PPP1R12A: variants seen among roughly 807,000 people sequenced by gnomAD.
The protein encoded by PPP1R12A is myosin binding subunit.
A neutral mutation model predicts 139.6 loss-of-function variants in PPP1R12A; 19 were observed. The ratio of observed to expected loss-of-function variants is 0.14; its 90% confidence interval spans 0.09 to 0.20. The LOEUF is 0.20. Ranked by LOEUF, PPP1R12A falls within the 10% of genes least tolerant of loss-of-function variation. PPP1R12A has a pLI of 1.00. For synonymous variants in PPP1R12A, 427 were observed against 420.6 expected (o/e 1.02, Z -0.19); for missense variants, 925 against 1,211.5 (o/e 0.76, Z 3.51).
intron 1 of PPP1R12A, among the ~76,000 whole-genome samples, chr12:79,929,210 C>T (rs1248636857): frequency 6.6e-6 from 1 of 152,192 alleles, no homozygotes; most frequent in Non-Finnish European, 1.5e-5. Context: ...AATGCCGCTG[C>T]TGATCTGACA....
chr12:79,881,360 T>TTACC (rs1050405600), intron 1 of PPP1R12A, among the ~76,000 whole-genome samples: 2 of 152,138 alleles, frequency 1.3e-5, no homozygotes, highest in African/African-American at 4.8e-5. Flanking sequence ...AACACACAAA[T>TTACC]GGTAAGAAAG....
chr12:79,910,998 C>G, intron 1 of PPP1R12A, among the ~76,000 whole-genome samples: 1 of 152,138 alleles, frequency 6.6e-6, no homozygotes, highest in East Asian at 1.9e-4. Flanking sequence ...CAAACAAAAT[C>G]AGAGAGAATG....
At position 79,775,178 on chromosome 12, in the gene PPP1R12A, AAAG is replaced by A. The variant is rs1203387460; in HGVS notation, c.*748_*750del. ...TAACATCTTATACTACAATAAAAAA[AAAG>A]TGACCAATGAAGCAGAAAATAGGAA... On this transcript the variant is annotated 3_prime_UTR_variant, in exon 25 of 25. Coordinates refer to ENST00000450142, the MANE Select transcript of PPP1R12A (RefSeq NM_002480.3). The A allele has an allele frequency of 6.6e-6, 1 of 152,600 alleles. No homozygotes were observed. Among genetic ancestry groups the A allele is most frequent in the African/African-American group, 2.4e-5 (1 of 41,458 alleles). 9.5% of individuals were successfully genotyped at this position (152,600 alleles called of 1,614,324 possible).
At position 79,809,887 on chromosome 12, in the gene PPP1R12A, A is replaced by G. The variant is rs2137070480; in HGVS notation, c.1363T>C (p.Ser455Pro). Residue 455 changes from serine (S) to proline (P), a missense_variant, in exon 10 of 25, where the codon TCT becomes CCT. Around this residue, in one of 4 missense-constraint regions of PPP1R12A, gnomAD observed 403 missense variants for 463.7 expected, o/e 0.87. Transcript: ENST00000450142. ...SYGALAEITASKEGQKEKDTA... is the reference protein window; with the variant it reads ...SYGALAEITAPKEGQKEKDTA... ...TCTTTTTCTTTCTGACCCTCTTTAG[A>G]TGCTGTGATTTCAGCAAGTGCACCA... The G allele has an allele frequency of 6.2e-7, 1 of 1,613,600 alleles. No homozygotes were observed. The highest frequency in any genetic ancestry group is 1.1e-5 in the South Asian group (1 of 91,052).
intron 3 of PPP1R12A, among the ~76,000 whole-genome samples, chr12:79,843,611 A>AATTAGATATAGATATAG (rs1879015051): frequency 7.4e-6 from 1 of 134,904 alleles, no homozygotes; most frequent in Non-Finnish European, 1.6e-5. Flanking sequence ...CTCAAAAAAA[A>AATTAGATATAGATATAG]ATATAGATAT....
In PPP1R12A at chr12:79,810,189, T is replaced by G. The variant is rs542939873; in HGVS notation, c.1240-179A>C. On this transcript the variant is annotated intron_variant, in intron 9 of 24. Transcript: ENST00000450142. ...TAAAAAATGTAAAGATCTAAAAATT[T>G]TAAAGAAATAGACTACCTTCCTAGG... Among the ~76,000 whole-genome samples the G allele has an allele frequency of 2.0e-5, 3 of 152,276 alleles. No homozygotes were observed. The South Asian group carries it at 6.2e-4, about 32-fold the overall frequency.
chr12:79,916,790 T>G (rs1056525678), intron 1 of PPP1R12A, among the ~76,000 whole-genome samples: 4 of 152,178 alleles, frequency 2.6e-5, no homozygotes, highest in African/African-American at 9.7e-5. Flanking sequence ...CTTCTTTGAG[T>G]GGCCAAACAC....
intron 4 of PPP1R12A, among the ~76,000 whole-genome samples, chr12:79,831,881 C>T (rs1489722256): frequency 1.3e-5 from 2 of 152,050 alleles, no homozygotes; most frequent in Non-Finnish European, 2.9e-5. Context: ...GTACTAAGTT[C>T]CAGTGTTCAT....
intron 2 of PPP1R12A, among the ~76,000 whole-genome samples, chr12:79,865,220 C>T (rs528644218): frequency 7.2e-5 from 11 of 152,318 alleles, no homozygotes; most frequent in African/African-American, 2.4e-4. Context: ...ACAAAAACCA[C>T]ATGATTATCT....
In PPP1R12A at chr12:79,905,120, T is replaced by C. The variant is rs1247430621; in HGVS notation, c.237+29575A>G. 2.0e-5 allele frequency among the ~76,000 whole-genome samples: 3 copies of C among 152,336 alleles called. No homozygotes were observed. In the South Asian group the frequency reaches 6.2e-4, roughly 32 times the overall value. ...CACTAATTCTATTCATGTTTTACTA[T>C]AGCTATTACTTTCCTGCTTAGTATA... is the stretch of plus-strand genomic sequence containing the variant. On this transcript the variant is annotated intron_variant, in intron 1 of 24. Transcript: ENST00000450142.
chr12:79,874,321 G>A (rs1882891311), intron 1 of PPP1R12A, among the ~76,000 whole-genome samples: 1 of 151,172 alleles, frequency 6.6e-6, no homozygotes, highest in South Asian at 2.1e-4. Flanking sequence ...TGTTGCCAAT[G>A]ATAAACTTTC....
At chr12:79,907,420 T>A (rs2137506818) in intron 1 of PPP1R12A, among the ~76,000 whole-genome samples, 1 of 152,250 alleles carries the variant, frequency 6.6e-6, no homozygotes, top group South Asian at 2.1e-4. Flanking sequence ...TACTAAAATA[T>A]CATCAAGGTT....
At chr12:79,854,585 T>C (rs1201885241) in intron 2 of PPP1R12A, among the ~76,000 whole-genome samples, 5 of 152,222 alleles carry the variant, frequency 3.3e-5, no homozygotes, top group Non-Finnish European at 7.3e-5. Flanking sequence ...GTTAAGACTG[T>C]GTAGGTTCAA....
chr12:79,907,739 A>C (rs1886245179), intron 1 of PPP1R12A, among the ~76,000 whole-genome samples: 1 of 152,136 alleles, frequency 6.6e-6, no homozygotes, highest in South Asian at 2.1e-4. Flanking sequence ...CCTCTACAAA[A>C]AATGTAAAAA....
chr12:79,871,395 T>A (rs887121281), intron 2 of PPP1R12A, among the ~76,000 whole-genome samples: 1 of 152,188 alleles, frequency 6.6e-6, no homozygotes, highest in African/African-American at 2.4e-5. Context: ...GAATTAAACA[T>A]CTGAAGAAAG....
chr12:79,935,067 G>A lies in PPP1R12A; in HGVS notation c.-136C>T, dbSNP rs2305294. The A allele has an allele frequency of 0.027, 37,878 of 1,407,172 alleles. 3,061 individuals are homozygous for A. In the East Asian group the frequency reaches 0.32, roughly 12 times the overall value. 87.2% of individuals were successfully genotyped at this position (1,407,172 alleles called of 1,614,324 possible). The stretch of plus-strand genomic sequence containing the variant: ...GGAGGGCTGGGAACCCGGAGCCGAC[G>A]CTCGAGACTTCCAGTATCCCACAGA... On this transcript the variant is annotated 5_prime_UTR_variant, in exon 1 of 25. Transcript: ENST00000450142.
At chr12:79,810,082 A>G (rs543872562) in intron 9 of PPP1R12A, 72 bp from the exon 10 acceptor site, 30 of 1,141,160 alleles carry the variant, frequency 2.6e-5, no homozygotes, top group South Asian at 1.5e-4. Flanking sequence ...ATTGGAAACA[A>G]TAAGTTTACA....
chr12:79,930,113 A>C (rs1281368367), intron 1 of PPP1R12A, among the ~76,000 whole-genome samples: 2 of 152,216 alleles, frequency 1.3e-5, no homozygotes, highest in Non-Finnish European at 1.5e-5. Flanking sequence ...ATTGCAGGAG[A>C]GGCAGAATAT....
chr12:79,931,382 T>C (rs1171799302), intron 1 of PPP1R12A, among the ~76,000 whole-genome samples: 9 of 151,966 alleles, frequency 5.9e-5, no homozygotes, highest in Non-Finnish European at 1.3e-4. Flanking sequence ...CCCCAAAAAA[T>C]GGAAATGAGG....
Sources: allele counts gnomAD v4.1 joint callset (sites outside exome capture counted in the v4.1 genomes callset), GRCh38; gene constraint gnomAD v4.1.1; regional missense constraint gnomAD v4.1.1; transcripts MANE v1.5; gene names NCBI Gene and HGNC (gene_info 2026-07-23, HGNC 2026-07-21).